TMEM132B: variants seen among roughly 807,000 people sequenced by gnomAD.
The protein encoded by TMEM132B is transmembrane protein 132B.
In TMEM132B, 18 loss-of-function variants were observed where a neutral mutation model predicts 90.8. The ratio of observed to expected loss-of-function variants is 0.20; its 90% confidence interval spans 0.14 to 0.29. TMEM132B has a LOEUF of 0.29. Ranked by LOEUF, TMEM132B falls within the 10% of genes least tolerant of loss-of-function variation. The pLI, the probability that TMEM132B is intolerant of heterozygous loss-of-function variation, is 1.00. For missense variants in TMEM132B, 1,096 were observed against 1,326.8 expected, an observed-to-expected ratio of 0.83 and a Z score of 2.70; for synonymous variants, 504 against 523.3, an observed-to-expected ratio of 0.96 and a Z score of 0.50.
At chr12:125,534,142 A>G (rs538808995) in intron 4 of TMEM132B, among the ~76,000 whole-genome samples, 3 of 152,324 alleles carry the variant, frequency 2.0e-5, no homozygotes, top group South Asian at 4.1e-4. Flanking sequence ...ACTTACATTT[A>G]AGAGAAGACA....
chr12:125,602,637 T>G (rs1308408312), intron 5 of TMEM132B, among the ~76,000 whole-genome samples: 1 of 152,144 alleles, frequency 6.6e-6, no homozygotes, highest in African/African-American at 2.4e-5. Flanking sequence ...AAGAAAGAAA[T>G]AAAGCGTATT....
chr12:125,257,150 A>G (rs572665733), intron 1 of TMEM132B, among the ~76,000 whole-genome samples: 1 of 152,256 alleles, frequency 6.6e-6, no homozygotes, highest in African/African-American at 2.4e-5. Context: ...CAACTCTCAG[A>G]AACAAAAAAA....
At chr12:125,475,115 C>T (rs1881838361) in intron 3 of TMEM132B, among the ~76,000 whole-genome samples, 1 of 151,976 alleles carries the variant, frequency 6.6e-6, no homozygotes, top group Non-Finnish European at 1.5e-5. Flanking sequence ...TATCACCTTA[C>T]CCGGGTGACA....
At chr12:125,574,717 T>G (rs998214536) in intron 4 of TMEM132B, among the ~76,000 whole-genome samples, 3 of 151,986 alleles carry the variant, frequency 2.0e-5, no homozygotes, top group African/African-American at 7.2e-5. Context: ...AAAAAGGGTG[T>G]TGAAGATGCC....
At chr12:125,409,112 C>A (rs1879606774) in intron 2 of TMEM132B, among the ~76,000 whole-genome samples, 1 of 152,210 alleles carries the variant, frequency 6.6e-6, no homozygotes, top group African/African-American at 2.4e-5. Flanking sequence ...CAGGTACTCT[C>A]CTCAGTTTGT....
At chr12:125,581,058 T>A (rs1052956334) in intron 4 of TMEM132B, among the ~76,000 whole-genome samples, 1 of 152,166 alleles carries the variant, frequency 6.6e-6, no homozygotes. Flanking sequence ...CAGCTACCCA[T>A]GAAAAAGCTG....
At chr12:125,307,798 AG>A (rs1876022835) in intron 1 of TMEM132B, among the ~76,000 whole-genome samples, 1 of 28,576 alleles carries the variant, frequency 3.5e-5, no homozygotes, top group African/African-American at 1.3e-4. Flanking sequence ...GTATATTACA[AG>A]TATATATACT....
At chr12:125,562,811 C>G (rs901541468) in intron 4 of TMEM132B, among the ~76,000 whole-genome samples, 8 of 152,076 alleles carry the variant, frequency 5.3e-5, no homozygotes, top group Non-Finnish European at 1.0e-4. Flanking sequence ...TAAGACATGC[C>G]TTTCACCTTA....
At chr12:125,587,416 G>A (rs191272032) in intron 5 of TMEM132B, 1 of 152,234 alleles carries the variant, frequency 6.6e-6, no homozygotes, top group Non-Finnish European at 1.5e-5. Flanking sequence ...GGTGCGGGGA[G>A]GGTCTGCATA....
intron 1 of TMEM132B, chr12:125,326,769 T>C (rs1181914853): frequency 2.3e-6 from 3 of 1,293,720 alleles, no homozygotes; most frequent in Non-Finnish European, 2.1e-6. Context: ...ATTCTCCCTT[T>C]GCAGCAAACT....
At chr12:125,633,721 T>G (rs749988066) in intron 5 of TMEM132B, among the ~76,000 whole-genome samples, 3 of 152,210 alleles carry the variant, frequency 2.0e-5, no homozygotes, top group Non-Finnish European at 4.4e-5. Context: ...GAGAATTCTC[T>G]GGTTTATTAG....
intron 3 of TMEM132B, among the ~76,000 whole-genome samples, chr12:125,495,248 C>T (rs1322809861): frequency 4.5e-5 from 6 of 134,152 alleles, no homozygotes. Flanking sequence ...TCCGTCCTCC[C>T]CCTCCTCCCT....
chr12:125,270,018 G>C (rs1874790692), intron 1 of TMEM132B, among the ~76,000 whole-genome samples: 1 of 151,030 alleles, frequency 6.6e-6, no homozygotes, highest in South Asian at 2.1e-4. Flanking sequence ...AGTAGAACAT[G>C]ACCCTGTCTC....
rs368310958 is a variant in TMEM132B, at chr12:125,253,974, G to A, written c.67+67108G>A. Among the ~76,000 whole-genome samples the A allele has an allele frequency of 5.9e-5, 9 of 152,252 alleles. No homozygotes were observed. In the East Asian group the frequency reaches 1.7e-3, roughly 29 times the overall value. On this transcript the variant is annotated intron_variant, in intron 1 of 8. Transcript: ENST00000682704. Reference sequence around the variant, plus strand: ...TTTGCAGAGAGCTTGAAATAAATGGGCGAAGGAGGGAAGGAGCAAGAAAAG... The same window carrying A: ...TTTGCAGAGAGCTTGAAATAAATGGACGAAGGAGGGAAGGAGCAAGAAAAG...
At chr12:125,298,858 C>T (rs571581236) in intron 1 of TMEM132B, among the ~76,000 whole-genome samples, 5 of 151,300 alleles carry the variant, frequency 3.3e-5, no homozygotes, top group South Asian at 2.1e-4. Flanking sequence ...CTCAGCCTCC[C>T]GAGTAGCTGG....
rs1433673487 is a variant in TMEM132B, at chr12:125,521,105, A to G, written c.1293+1480A>G. ...CAGCTAGGTCAGGCTGAGGTTGGGA[A>G]ATCTCTACTCAATGTCCTTACCACT... is the stretch of plus-strand genomic sequence containing the variant. On this transcript the variant is annotated intron_variant, in intron 4 of 8. Coordinates refer to ENST00000682704, the MANE Select transcript of TMEM132B (RefSeq NM_001366854.1). 3.9e-5 allele frequency among the ~76,000 whole-genome samples: 6 copies of G among 152,126 alleles called. No individual in the cohort carries two copies. The East Asian group carries it at 1.2e-3, about 29-fold the overall frequency.
At chr12:125,559,594 G>T (rs1884470064) in intron 4 of TMEM132B, among the ~76,000 whole-genome samples, 1 of 152,178 alleles carries the variant, frequency 6.6e-6, no homozygotes, top group African/African-American at 2.4e-5. Context: ...TGATGCGGAT[G>T]GTGGGACCTT....
At chr12:125,518,298 G>A (rs960522337) in intron 3 of TMEM132B, among the ~76,000 whole-genome samples, 2 of 152,184 alleles carry the variant, frequency 1.3e-5, no homozygotes, top group South Asian at 2.1e-4. Flanking sequence ...CAAGCAGCAG[G>A]CAGCAGTTTC....
rs1355031772 is a variant in TMEM132B at position 125,213,573 on chromosome 12, C to T, written c.67+26707C>T. On this transcript the variant is annotated intron_variant, in intron 1 of 8. Transcript: ENST00000682704. The surrounding 1 kb of genome is among the most constrained non-coding windows in gnomAD (Gnocchi z 4.2). The stretch of plus-strand genomic sequence containing the variant: ...CAAATGGCTTCTAACTGGTCACTCT[C>T]TGGCTTCTGATTCAGTGATGGCTTC... Among the ~76,000 whole-genome samples, 1 of 152,220 alleles carries T rather than the reference C, an allele frequency of 6.6e-6. No homozygotes were observed. The highest frequency in any genetic ancestry group is 2.4e-5 in the African/African-American group (1 of 41,454).
Sources: gnomAD v4.1 joint callset for allele counts (sites outside exome capture counted in the v4.1 genomes callset) on GRCh38, gnomAD v4.1.1 for gene constraint, Gnocchi (gnomAD v3.1) non-coding constraint, MANE v1.5 for transcripts, NCBI Gene and HGNC (gene_info 2026-07-23, HGNC 2026-07-21) for gene names.